RPGRIP1: variants seen among roughly 807,000 people sequenced by gnomAD.
RPGRIP1 encodes X-linked retinitis pigmentosa GTPase regulator-interacting protein 1.
In RPGRIP1, 128 loss-of-function variants were observed where a neutral mutation model predicts 157.9. The observed-to-expected ratio is 0.81, with a 90% CI of 0.70 to 0.94. RPGRIP1 has a LOEUF of 0.94. Ranked by LOEUF, RPGRIP1 falls within the 40% of genes least tolerant of loss-of-function variation. The pLI is 0.00. For synonymous variants in RPGRIP1, 554 were observed against 571.6 expected (o/e 0.97, Z 0.44); for missense variants, 1,486 against 1,545.8 (o/e 0.96, Z 0.65).
At chr14:21,295,412 T>A (rs1880726162) in intron 3 of RPGRIP1, among the ~76,000 whole-genome samples, 2 of 151,860 alleles carry the variant, frequency 1.3e-5, no homozygotes, top group South Asian at 4.2e-4. Context: ...ATCGTATTGA[T>A]CCCTGCAGGC....
intron 23 of RPGRIP1, among the ~76,000 whole-genome samples, chr14:21,345,916 T>C (rs960469747): frequency 6.6e-6 from 1 of 151,846 alleles, no homozygotes; most frequent in Non-Finnish European, 1.5e-5. Flanking sequence ...ACCTCCTGGG[T>C]TCAAGCGATT....
chr14:21,294,643 A>C, intron 2 of RPGRIP1, 34 bp from the exon 3 acceptor site: 1 of 1,607,352 alleles, frequency 6.2e-7, no homozygotes, highest in East Asian at 2.2e-5. Context: ...TAGGTGTAAA[A>C]ATACTGTCCA....
Position 21,325,062 on chromosome 14 carries a change from C to T in RPGRIP1, c.2207C>T (p.Thr736Ile), listed in dbSNP as rs529475742. The T allele has an allele frequency of 8.7e-6, 14 of 1,608,612 alleles. No homozygotes were observed. The South Asian group carries it at 1.2e-4, about 14-fold the overall frequency. The part of the protein sequence containing the change: ...ETVEKVHGLA[T>I]LIGAGGEEFG... ...GTGGAGAAAGTCCATGGCTTGGCCACACTGATTGGTAAGTGCCGTTGGCTT... is the reference window on the plus strand; with the variant it reads ...GTGGAGAAAGTCCATGGCTTGGCCATACTGATTGGTAAGTGCCGTTGGCTT... Residue 736 changes from threonine (T) to isoleucine (I), a missense_variant, in exon 15 of 25, where the codon ACA (threonine) becomes ATA (isoleucine). Physicochemically the swap from Thr to Ile is moderately conservative, Grantham distance 89. Coordinates refer to ENST00000400017, the MANE Select transcript of RPGRIP1 (RefSeq NM_020366.4).
chr14:21,302,360 C>T (rs1421608656), intron 4 of RPGRIP1, 128 bp from the exon 5 acceptor site: 1 of 445,688 alleles, frequency 2.2e-6, no homozygotes, highest in Admixed American at 4.3e-5. Context: ...CCTCGGGGAC[C>T]ATTTGTCATA....
chr14:21,350,150 C>T (rs1886054319), intron 24 of RPGRIP1, among the ~76,000 whole-genome samples: 1 of 151,986 alleles, frequency 6.6e-6, no homozygotes, highest in Non-Finnish European at 1.5e-5. Context: ...CCGAGATGGG[C>T]GGATCACCTG....
intron 14 of RPGRIP1, among the ~76,000 whole-genome samples, chr14:21,322,666 CCT>C (rs554631903): frequency 2.4e-3 from 363 of 152,250 alleles, no homozygotes; most frequent in African/African-American, 8.4e-3. Flanking sequence ...GCTCCTCTCC[CCT>C]GTCCCTCTCT....
At chr14:21,332,798 C>T (rs1255674488) in intron 20 of RPGRIP1, among the ~76,000 whole-genome samples, 2 of 152,096 alleles carry the variant, frequency 1.3e-5, no homozygotes, top group Admixed American at 6.6e-5. Flanking sequence ...TATCGCTGTT[C>T]TCCATGAATT....
chr14:21,298,040 C>T (rs150800321), intron 3 of RPGRIP1, among the ~76,000 whole-genome samples: 1,796 of 152,074 alleles, frequency 0.012, 11 homozygotes, highest in Non-Finnish European at 0.019. Flanking sequence ...AAAGAAGTTG[C>T]AGTCACTCAT....
At chr14:21,337,531 T>C (rs1032396716) in intron 21 of RPGRIP1, among the ~76,000 whole-genome samples, 2 of 147,758 alleles carry the variant, frequency 1.4e-5, no homozygotes, top group African/African-American at 2.5e-5. Flanking sequence ...AACCTCTGCC[T>C]CCCAGGTTCA....
At chr14:21,339,310 G>A (rs1056649853) in intron 21 of RPGRIP1, among the ~76,000 whole-genome samples, 3 of 151,996 alleles carry the variant, frequency 2.0e-5, no homozygotes, top group Admixed American at 1.3e-4. Flanking sequence ...GCTGGGCGTG[G>A]TGGCGCGTGC....
At chr14:21,307,456 T>C (rs1881364868) in intron 6 of RPGRIP1, among the ~76,000 whole-genome samples, 2 of 152,272 alleles carry the variant, frequency 1.3e-5, no homozygotes, top group Admixed American at 1.3e-4. Context: ...TGGGAAATTA[T>C]GAACACCATC....
intron 19 of RPGRIP1, among the ~76,000 whole-genome samples, chr14:21,328,977 C>G (rs1883414308): frequency 6.6e-6 from 1 of 151,944 alleles, no homozygotes; most frequent in Non-Finnish European, 1.5e-5. Context: ...AACCCTGTCT[C>G]TACTAAAAAT....
intron 3 of RPGRIP1, among the ~76,000 whole-genome samples, chr14:21,300,705 C>CTTT (rs918137131): frequency 0.023 from 1,697 of 73,506 alleles, 278 homozygotes; most frequent in African/African-American, 0.088. Context: ...AGTGGCTCAA[C>CTTT]TTTTTTTTTT....
intron 22 of RPGRIP1, among the ~76,000 whole-genome samples, chr14:21,344,125 C>T (rs750344046): frequency 3.3e-5 from 5 of 151,892 alleles, no homozygotes; most frequent in Admixed American, 1.3e-4. Context: ...ATGTCCCTTT[C>T]CTTCCCATCG....
intron 5 of RPGRIP1, 64 bp from the exon 6 acceptor site, chr14:21,303,267 A>G (rs1382102059): frequency 8.9e-7 from 1 of 1,124,232 alleles, no homozygotes. Context: ...TTCTTTTTAT[A>G]TGTGTAAGAA....
chr14:21,292,735 G>A (rs1419787865), intron 2 of RPGRIP1, among the ~76,000 whole-genome samples: 9 of 152,076 alleles, frequency 5.9e-5, no homozygotes, highest in South Asian at 2.1e-4. Context: ...CCAGCCATTC[G>A]AGAGGCTGAG....
chr14:21,307,019 C>T (rs898458195), intron 6 of RPGRIP1, among the ~76,000 whole-genome samples: 1 of 152,088 alleles, frequency 6.6e-6, no homozygotes, highest in African/African-American at 2.4e-5. Flanking sequence ...CGTGATCTGC[C>T]CGCCTCAACT....
Position 21,348,321 on chromosome 14 carries a change from A to G in RPGRIP1, c.3748+19A>G. 2.6e-6 allele frequency: 4 copies of G among 1,520,620 alleles called. 1 individual carries two copies. The South Asian group carries it at 5.2e-5, about 20-fold the overall frequency. 94.2% of individuals were successfully genotyped at this position (1,520,620 alleles called of 1,614,324 possible). A position where few individuals can be genotyped will look rare whatever the true frequency, so the allele number is the denominator to read the frequency against. On this transcript the variant is annotated intron_variant, in intron 24 of 24. Transcript: ENST00000400017. The stretch of plus-strand genomic sequence containing the variant: ...CTAGACAGTGAGTCATTTTTTTTTC[A>G]GTTCTAATTATTTCCAAGGAAATCA...
intron 1 of RPGRIP1, among the ~76,000 whole-genome samples, chr14:21,284,197 A>T (rs951682389): frequency 2.0e-5 from 3 of 152,160 alleles, no homozygotes; most frequent in African/African-American, 7.2e-5. Flanking sequence ...TTTCTCCATT[A>T]TACTTTTTGC....
Sources: allele counts gnomAD v4.1 joint callset (sites outside exome capture counted in the v4.1 genomes callset), GRCh38; gene constraint gnomAD v4.1.1; transcripts MANE v1.5; gene names NCBI Gene and HGNC (gene_info 2026-07-23, HGNC 2026-07-21).